Variants in PCNT observed in about 807,000 individuals in gnomAD.
PCNT encodes pericentrin.
Under a neutral mutation model 380.4 loss-of-function variants are expected in PCNT, and 319 were observed. The ratio of observed to expected loss-of-function variants is 0.84; its 90% CI spans 0.77 to 0.92. The LOEUF is 0.92. Among genes scored for constraint, PCNT ranks in the 40% least tolerant of loss-of-function variants. The probability of loss-of-function intolerance (pLI) is 0.00; values close to 1 mark genes in which losing one functional copy is unlikely to be tolerated. For synonymous variants in PCNT, 1,845 were observed against 1,735.2 expected (o/e 1.06, Z -1.57); for missense variants, 4,400 against 4,255.3 (o/e 1.03, Z -0.95).
intron 15 of PCNT, among the ~76,000 whole-genome samples, chr21:46,369,707 G>C (rs551823065): frequency 2.2e-4 from 33 of 152,346 alleles, no homozygotes; most frequent in African/African-American, 7.9e-4. Context: ...CATGTGGAGC[G>C]TGTGCACCTT....
Position 46,347,508 on chromosome 21 carries a change from T to C in PCNT, c.1028T>C (p.Val343Ala). 6.2e-7 allele frequency: 1 copy of C among 1,613,982 alleles called. No individual in the cohort carries two copies. Among genetic ancestry groups the C allele is most frequent in the Non-Finnish European group, 8.5e-7 (1 of 1,179,912 alleles). The change falls in exon 6 of 47, where the codon GTA (valine) becomes GCA (alanine). Residue 343 changes from valine (V) to alanine (A), a missense_variant. Physicochemically the swap from Val to Ala is moderately conservative, Grantham distance 64 (BLOSUM62 0). Transcript: ENST00000359568. Reference protein sequence around the residue: ...QSEMEKNAQIVKTLKEDWESE... With the variant: ...QSEMEKNAQIAKTLKEDWESE... ...GAAATGGAGAAAAACGCCCAGATAG[T>C]AAAGGTACCCGGGATCGATTCTAAA...
In PCNT at chr21:46,334,665, C is replaced by G; in HGVS notation, c.536C>G (p.Pro179Arg). ...RGMFTISDHQPEQRGMFTVSD... is the reference protein window; with the variant it reads ...RGMFTISDHQREQRGMFTVSD... ...ATGTTCACAATCAGTGACCACCAAC[C>G]GGAACAGCGTGGGATGTTCACAGTC... is the stretch of plus-strand genomic sequence containing the variant. The change falls in exon 3 of 47, where the codon CCG (proline) becomes CGG (arginine). Residue 179 changes from proline to arginine, a missense_variant. Physicochemically the swap from Pro to Arg is moderately radical, Grantham distance 103. Coordinates refer to ENST00000359568, the MANE Select transcript of PCNT (RefSeq NM_006031.6). 1.2e-6 allele frequency: 2 copies of G among 1,605,906 alleles called. No individual in the cohort carries two copies. The highest frequency in any genetic ancestry group is 1.7e-6 in the Non-Finnish European group (2 of 1,175,534).
At chr21:46,399,953 T>A (rs1601963277) in intron 25 of PCNT, among the ~76,000 whole-genome samples, 157 bp downstream of exon 25, 1 of 152,170 alleles carries the variant, frequency 6.6e-6, no homozygotes, top group African/African-American at 2.4e-5. Flanking sequence ...ACAGAAGTCA[T>A]TGGTGACGGG....
intron 15 of PCNT, among the ~76,000 whole-genome samples, chr21:46,375,821 C>T (rs547681298): frequency 6.6e-6 from 1 of 152,356 alleles, no homozygotes; most frequent in East Asian, 1.9e-4. Flanking sequence ...CTCCTACGTC[C>T]TCTGCAGGTC....
In PCNT at chr21:46,426,069, CTTTTTTTTTTTT is replaced by C. The variant is rs760416456; in HGVS notation, c.7320+114_7320+125del. The C allele has an allele frequency of 7.2e-5, 22 of 306,144 alleles. No homozygotes were observed. In the African/African-American group the frequency reaches 8.7e-4, roughly 12 times the overall value. 19.0% of individuals were successfully genotyped at this position (306,144 alleles called of 1,614,324 possible). A position where few individuals can be genotyped will look rare whatever the true frequency, so the allele number is the denominator to read the frequency against. The stretch of plus-strand genomic sequence containing the variant: ...GCCACGTGGACACTAGGATTTCTTT[CTTTTTTTTTTTT>C]TTTTTTTTTTTTTTTGAGACTCGGC... On this transcript the variant is annotated intron_variant, in intron 33 of 46. Coordinates refer to ENST00000359568, the MANE Select transcript of PCNT (RefSeq NM_006031.6).
intron 21 of PCNT, among the ~76,000 whole-genome samples, chr21:46,392,898 A>G (rs937495786): frequency 2.6e-5 from 4 of 152,042 alleles, no homozygotes; most frequent in Non-Finnish European, 5.9e-5. Flanking sequence ...TTTTATTTTA[A>G]GTCTTTTTTA....
intron 27 of PCNT, among the ~76,000 whole-genome samples, chr21:46,404,486 A>G (rs970653255): frequency 6.6e-6 from 1 of 152,208 alleles, no homozygotes; most frequent in African/African-American, 2.4e-5. Context: ...TCGGCGAGGT[A>G]CGCCACTCCC....
At chr21:46,381,629 G>C in intron 15 of PCNT, 65 bp from the exon 16 acceptor site, 2 of 1,489,846 alleles carry the variant, frequency 1.3e-6, no homozygotes, top group South Asian at 2.3e-5. Flanking sequence ...GCTGAATTCC[G>C]GCTAACAGCA....
intron 3 of PCNT, among the ~76,000 whole-genome samples, chr21:46,340,839 T>C (rs2083892131): frequency 6.6e-6 from 1 of 152,036 alleles, no homozygotes; most frequent in Non-Finnish European, 1.5e-5. Flanking sequence ...TGGGCTAATT[T>C]TTGTATTTTT....
rs756496427 is a variant in PCNT at position 46,367,098 on chromosome 21, C to G, written c.3124C>G (p.Leu1042Val). The change falls in exon 15 of 47, where the codon CTC (leucine) becomes GTC (valine). Residue 1042 changes from leucine to valine, a missense_variant. By Grantham distance (32) the Leu-to-Val change is conservative. Transcript: ENST00000359568. ...DHLRTEVSTE[L>V]AGTVAHELQG... ...CCTGCGAACCGAAGTGAGCACAGAG[C>G]TCGCCGGAACCGTGGCTCACGAGCT... The G allele has an allele frequency of 6.2e-7, 1 of 1,613,592 alleles. No homozygotes were observed. The highest frequency in any genetic ancestry group is 2.2e-5 in the East Asian group (1 of 44,876).
In PCNT at chr21:46,425,834, T is replaced by TTACTGCAG; in HGVS notation, c.7184_7191dup (p.Met2398TyrfsTer136). 6.2e-7 allele frequency: 1 copy of TTACTGCAG among 1,613,512 alleles called. No individual in the cohort carries two copies. The highest frequency in any genetic ancestry group is 8.5e-7 in the Non-Finnish European group (1 of 1,179,984). ...CTGACGCGCTTTCCCGCCACAGGCT[T>TTACTGCAG]TACTGCAGATGGTGCGTGACGAGAG... On this transcript the variant is annotated frameshift_variant, in exon 33 of 47. Coordinates refer to ENST00000359568, the MANE Select transcript of PCNT (RefSeq NM_006031.6). LOFTEE classifies it high-confidence loss of function. This position sits in a 1 kb window ranked among gnomAD's most constrained non-coding sequence, Gnocchi z 4.2.
intron 15 of PCNT, among the ~76,000 whole-genome samples, chr21:46,371,611 A>G (rs1272933210): frequency 6.6e-6 from 1 of 152,250 alleles, no homozygotes; most frequent in Non-Finnish European, 1.5e-5. Context: ...TGGATTCCCA[A>G]GGTGGCCGTG....
At chr21:46,342,984 A>C (rs1303561172) in intron 3 of PCNT, among the ~76,000 whole-genome samples, 1 of 152,182 alleles carries the variant, frequency 6.6e-6, no homozygotes, top group Non-Finnish European at 1.5e-5. Flanking sequence ...CTTTTGGGGT[A>C]TAGCAGTGCT....
chr21:46,408,786 C>A (rs1445776195), intron 27 of PCNT, among the ~76,000 whole-genome samples: 3 of 145,528 alleles, frequency 2.1e-5, no homozygotes, highest in African/African-American at 5.1e-5. Flanking sequence ...GCAGCGGGAA[C>A]GTGTCAGCTC....
intron 7 of PCNT, 44 bp from the exon 8 acceptor site, chr21:46,349,640 G>A (rs2084196388): frequency 6.2e-7 from 1 of 1,601,842 alleles, no homozygotes; most frequent in Admixed American, 1.7e-5. Context: ...CTGTTGAGGA[G>A]AGTGATGTCT....
Position 46,440,975 on chromosome 21 carries a change from T to C in PCNT, c.9514T>C (p.Ser3172Pro), listed in dbSNP as rs778504380. 3 of 1,613,376 alleles carry C rather than the reference T, an allele frequency of 1.9e-6. No homozygotes were observed. The highest frequency in any genetic ancestry group is 1.7e-6 in the Non-Finnish European group (2 of 1,179,256). ...GFQDSEQETL[S>P]MIAHLGVFPS... ...CCAGGATTCTGAACAAGAAACACTCTCCATGATTGCCCATTTGGGGGTATT... is the reference window on the plus strand; with the variant it reads ...CCAGGATTCTGAACAAGAAACACTCCCCATGATTGCCCATTTGGGGGTATT... Residue 3172 changes from serine (S) to proline (P), a missense_variant, in exon 43 of 47, where the codon TCC (serine) becomes CCC (proline). Ser to Pro is a moderately conservative substitution (Grantham distance 74). Transcript: ENST00000359568.
At chr21:46,409,639 G>A (rs550305731) in intron 27 of PCNT, among the ~76,000 whole-genome samples, 2 of 152,096 alleles carry the variant, frequency 1.3e-5, no homozygotes, top group East Asian at 3.9e-4. Flanking sequence ...TTGCTCTGTC[G>A]CCCAGGCTGC....
intron 45 of PCNT, 137 bp downstream of exon 45, chr21:46,444,085 G>C: frequency 2.1e-6 from 2 of 947,114 alleles, no homozygotes; most frequent in South Asian, 1.7e-5. Context: ...GCGTGAGTCC[G>C]TGAGGGCCAA....
chr21:46,333,913 A>C (rs2083638881), intron 2 of PCNT, among the ~76,000 whole-genome samples: 1 of 151,688 alleles, frequency 6.6e-6, no homozygotes, highest in African/African-American at 2.4e-5. Context: ...CATTATAAAA[A>C]TGTTTAGAGC....
Sources: gnomAD v4.1 joint callset for allele counts (sites outside exome capture counted in the v4.1 genomes callset) on GRCh38, gnomAD v4.1.1 for gene constraint, Gnocchi (gnomAD v3.1) non-coding constraint, MANE v1.5 for transcripts, NCBI Gene and HGNC (gene_info 2026-07-23, HGNC 2026-07-21) for gene names.